The following STXBP3 variants were observed in gnomAD, a reference collection of about 807,000 sequenced individuals.
STXBP3 encodes syntaxin binding protein 3, also known as syntaxin-binding protein 3.
A neutral mutation model predicts 85.7 loss-of-function variants in STXBP3; 41 were observed. That is an observed-to-expected ratio of 0.48 (90% CI 0.37 to 0.62). The LOEUF (loss-of-function observed/expected upper bound fraction) is 0.62, where lower values mean the gene tolerates loss of function less well. Ranked by LOEUF, STXBP3 falls within the 20% of genes least tolerant of loss-of-function variation. STXBP3 has a pLI of 0.00. For missense variants in STXBP3, 563 were observed against 703.1 expected (o/e 0.80, Z 2.25); for synonymous variants, 229 against 231.7 (o/e 0.99, Z 0.10).
rs768196967 is a variant in STXBP3 at position 108,798,246 on chromosome 1, C to T, written c.1449+9C>T. ...TCAAAGATATTATGGAGGTAAAAAT[C>T]ATTAAAATGTTTTTTTCTACCTGAG... is the stretch of plus-strand genomic sequence containing the variant. On this transcript the variant is annotated intron_variant, in intron 16 of 18. Transcript: ENST00000370008. 1.7e-5 allele frequency: 27 copies of T among 1,597,468 alleles called. No homozygotes were observed. The highest frequency in any genetic ancestry group is 5.4e-5 in the Admixed American group (3 of 55,622).
intron 16 of STXBP3, among the ~76,000 whole-genome samples, chr1:108,799,308 T>C (rs941739681): frequency 6.6e-6 from 1 of 152,246 alleles, no homozygotes; most frequent in Non-Finnish European, 1.5e-5. Context: ...ACAGGGATGA[T>C]ATAGAACTAA....
chr1:108,781,425 G>A (rs1662713114), intron 9 of STXBP3: 1 of 152,212 alleles, frequency 6.6e-6, no homozygotes, highest in Non-Finnish European at 1.5e-5. Context: ...CAAATGGAAG[G>A]AGGGTGTCTG....
intron 17 of STXBP3, among the ~76,000 whole-genome samples, chr1:108,805,218 TTC>T (rs1247982114): frequency 6.6e-6 from 1 of 152,192 alleles, no homozygotes; most frequent in African/African-American, 2.4e-5. Context: ...CTTACTCTAT[TTC>T]TCTCTGTTGA....
rs1218128860 is a variant in STXBP3, at chr1:108,800,330, T to C, written c.1535+25T>C. ...GGTAAATTCTACAAGTGAAAATCAA[T>C]GAAATTTTCATTCTACGGACTAATA... On this transcript the variant is annotated intron_variant, in intron 17 of 18. Coordinates refer to ENST00000370008, the MANE Select transcript of STXBP3 (RefSeq NM_007269.4). 3.3e-6 allele frequency: 5 copies of C among 1,535,698 alleles called. No homozygotes were observed. In the East Asian group the frequency reaches 1.1e-4, roughly 35 times the overall value.
chr1:108,748,414 T>C (rs927727788), intron 1 of STXBP3, among the ~76,000 whole-genome samples: 3 of 152,056 alleles, frequency 2.0e-5, no homozygotes, highest in African/African-American at 7.2e-5. Context: ...CCCACCTACA[T>C]GGGAGGCTGA....
chr1:108,789,866 G>A (rs989916044), intron 11 of STXBP3, among the ~76,000 whole-genome samples: 1 of 151,886 alleles, frequency 6.6e-6, no homozygotes, highest in African/African-American at 2.4e-5. Flanking sequence ...AGGAGTTCAA[G>A]ACCAGCCTGG....
At chr1:108,797,127 G>A (rs1663120644) in intron 15 of STXBP3, among the ~76,000 whole-genome samples, 1 of 152,016 alleles carries the variant, frequency 6.6e-6, no homozygotes, top group African/African-American at 2.4e-5. Flanking sequence ...CGCTGAGGCA[G>A]GAGGATTTCT....
intron 3 of STXBP3, among the ~76,000 whole-genome samples, chr1:108,756,115 C>T (rs1255549672): frequency 1.3e-5 from 2 of 152,230 alleles, no homozygotes; most frequent in East Asian, 3.9e-4. Flanking sequence ...TTTGCTTTAG[C>T]TAATCTTATA....
rs1663094344 is a variant in STXBP3, at chr1:108,796,280, C to G, written c.1157C>G (p.Ser386Cys). The G allele has an allele frequency of 2.5e-6, 4 of 1,613,496 alleles. No individual in the cohort carries two copies. Among genetic ancestry groups the G allele is most frequent in the Non-Finnish European group, 2.5e-6 (3 of 1,179,730 alleles). The change falls in exon 14 of 19, where the codon TCC (serine) becomes TGC (cysteine). Residue 386 changes from serine to cysteine, a missense_variant. Transcript: ENST00000370008. ...GCAGAAGGACAGAAGGTGAAAGATT[C>G]CATGCGAGTACTCCTTCCAGTTCTA... ...TDAEGQKVKD[S>C]MRVLLPVLLN...
intron 17 of STXBP3, among the ~76,000 whole-genome samples, chr1:108,806,696 A>G (rs995924051): frequency 1.3e-5 from 2 of 152,166 alleles, no homozygotes; most frequent in Non-Finnish European, 2.9e-5. Context: ...TATCAGCTCC[A>G]AAGTATTACT....
In STXBP3 at chr1:108,779,287, G is replaced by C. The variant is rs768317565; in HGVS notation, c.686G>C (p.Gly229Ala). Residue 229 changes from glycine (G) to alanine (A), a missense_variant and splice_region_variant, in exon 9 of 19, where the codon GGT (glycine) becomes GCT (alanine). By Grantham distance (60) the Gly-to-Ala change is moderately conservative (BLOSUM62 0). Around this residue, in one of 3 missense-constraint regions of STXBP3, gnomAD observed 494 missense variants for 592.8 expected, o/e 0.83. Coordinates refer to ENST00000370008, the MANE Select transcript of STXBP3 (RefSeq NM_007269.4). ...GATGATTTTATCTTGTTATTCTAGG[G>C]TAAAACTCATTCACAGCTCTTAATA... ...YKIDEKSLIK[G>A]KTHSQLLIID... 37 of 1,609,900 alleles carry C rather than the reference G, an allele frequency of 2.3e-5. No individual in the cohort carries two copies. The East Asian group carries it at 7.4e-4, about 32-fold the overall frequency.
Position 108,794,919 on chromosome 1 carries a change from G to C in STXBP3, c.1110+12G>C. 6.3e-7 allele frequency: 1 copy of C among 1,590,560 alleles called. No individual in the cohort carries two copies. The highest frequency in any genetic ancestry group is 8.6e-7 in the Non-Finnish European group (1 of 1,166,132). On this transcript the variant is annotated intron_variant, in intron 13 of 18. Transcript: ENST00000370008. ...GCAAAACTGAACAGGTATGTGCAGAGTCAGAAATGCCTCTGTTCATAACAA... is the reference window on the plus strand; with the variant it reads ...GCAAAACTGAACAGGTATGTGCAGACTCAGAAATGCCTCTGTTCATAACAA...
At chr1:108,787,576 C>T (rs781018140) in intron 11 of STXBP3, among the ~76,000 whole-genome samples, 12 of 152,150 alleles carry the variant, frequency 7.9e-5, no homozygotes, top group Non-Finnish European at 1.3e-4. Context: ...TTAATACCTC[C>T]TGGTTCTGGC....
rs1004092921 is a variant in STXBP3, at chr1:108,760,101, A to G, written c.438+16A>G. On this transcript the variant is annotated intron_variant, in intron 6 of 18. Coordinates refer to ENST00000370008, the MANE Select transcript of STXBP3 (RefSeq NM_007269.4). Reference sequence around the variant, plus strand: ...TGAATCTCAGGTACTTTCTATTTTTATTTTTTAGTTCATGAGAGGTTTCAA... The same window carrying G: ...TGAATCTCAGGTACTTTCTATTTTTGTTTTTTAGTTCATGAGAGGTTTCAA... 1.3e-6 allele frequency: 2 copies of G among 1,482,962 alleles called. No individual in the cohort carries two copies. Among genetic ancestry groups the G allele is most frequent in the Admixed American group, 2.4e-5 (1 of 41,908 alleles). The allele number at this position is 1,482,962 out of a possible 1,614,324, so 91.9% of individuals were successfully genotyped here.
intron 13 of STXBP3, among the ~76,000 whole-genome samples, 180 bp from the exon 14 acceptor site, chr1:108,796,054 A>G (rs952626000): frequency 6.6e-6 from 1 of 152,140 alleles, no homozygotes; most frequent in Non-Finnish European, 1.5e-5. Flanking sequence ...TTTAGTACAG[A>G]TGGGGTTTTA....
At chr1:108,775,512 A>G (rs1054407319) in intron 7 of STXBP3, among the ~76,000 whole-genome samples, 8 of 151,842 alleles carry the variant, frequency 5.3e-5, no homozygotes, top group Non-Finnish European at 1.2e-4. Flanking sequence ...TACTCATTCT[A>G]CCTATATTTT....
chr1:108,808,663 A>G, intron 18 of STXBP3, 120 bp from the exon 19 acceptor site: 2 of 758,400 alleles, frequency 2.6e-6, no homozygotes, highest in Non-Finnish European at 4.5e-6. Context: ...TCTTACAGAA[A>G]TTTTGTTACA....
At chr1:108,755,975 G>A (rs909240290) in intron 3 of STXBP3, among the ~76,000 whole-genome samples, 5 of 152,046 alleles carry the variant, frequency 3.3e-5, no homozygotes, top group African/African-American at 7.2e-5. Flanking sequence ...TTCTTTCTAG[G>A]CCCTTTGTCA....
At chr1:108,768,943 T>TTGA (rs1391958047) in intron 6 of STXBP3, among the ~76,000 whole-genome samples, 1 of 151,888 alleles carries the variant, frequency 6.6e-6, no homozygotes, top group Non-Finnish European at 1.5e-5. Flanking sequence ...GCAAGTAGAG[T>TTGA]TGATCCTTGA....
Sources: allele counts gnomAD v4.1 joint callset (sites outside exome capture counted in the v4.1 genomes callset), GRCh38; gene constraint gnomAD v4.1.1; regional missense constraint gnomAD v4.1.1; transcripts MANE v1.5; gene names NCBI Gene and HGNC (gene_info 2026-07-23, HGNC 2026-07-21).